Variants in TTC38 observed in about 807,000 individuals in gnomAD.
TTC38 encodes the protein tetratricopeptide repeat domain 38.
In TTC38, 64 loss-of-function variants were observed where a neutral mutation model predicts 64.2. The ratio of observed to expected loss-of-function variants is 1.00; its 90% CI spans 0.81 to 1.23. The LOEUF is 1.23. Among genes scored for constraint, TTC38 ranks in the 50% most tolerant of loss-of-function variants. The pLI is 0.00. For missense variants in TTC38, 573 were observed against 615.5 expected (o/e 0.93, Z 0.73); for synonymous variants, 254 against 249.3 (o/e 1.02, Z -0.18).
At position 46,273,206 on chromosome 22, in the gene TTC38, G is replaced by T. The variant is rs1438250934; in HGVS notation, c.194-692G>T. On this transcript the variant is annotated intron_variant, in intron 3 of 13. Transcript: ENST00000381031. This position sits in a 1 kb window ranked among gnomAD's most constrained non-coding sequence, Gnocchi z 5.1. ...TGAGCAGACCTTGAGCCCTGATCAG[G>T]GGGCTTCGACCACCTGAATCATCAG... Among the ~76,000 whole-genome samples the T allele has an allele frequency of 3.3e-5, 5 of 152,206 alleles. No homozygotes were observed. The highest frequency in any genetic ancestry group is 1.3e-4 in the Admixed American group (2 of 15,276).
At chr22:46,280,176 G>T (rs992778673) in intron 6 of TTC38, 4 of 471,112 alleles carry the variant, frequency 8.5e-6, no homozygotes, top group African/African-American at 8.0e-5. Context: ...TGTGTCTGCA[G>T]CCCCAGGCTG....
intron 11 of TTC38, 21 bp downstream of exon 11, chr22:46,288,609 G>C (rs201300757): frequency 2.5e-6 from 4 of 1,610,336 alleles, no homozygotes; most frequent in Middle Eastern, 1.7e-4. Context: ...GGGCCTTCTC[G>C]GGGTGGGGGT....
chr22:46,278,664 A>T lies in TTC38; in HGVS notation c.615+3A>T. On this transcript the variant is annotated splice_donor_region_variant and intron_variant, in intron 6 of 13. Coordinates refer to ENST00000381031, the MANE Select transcript of TTC38 (RefSeq NM_017931.4). ...AGGCAGAAAAACTCGCCAAAGAGGT[A>T]AGTGGGTCCTTCCTAAGGTGCCTGA... 6.2e-7 allele frequency: 1 copy of T among 1,613,814 alleles called. No individual in the cohort carries two copies. Among genetic ancestry groups the T allele is most frequent in the Non-Finnish European group, 8.5e-7 (1 of 1,179,730 alleles).
chr22:46,279,902 A>G (rs2077520978), intron 6 of TTC38, among the ~76,000 whole-genome samples: 1 of 152,148 alleles, frequency 6.6e-6, no homozygotes, highest in African/African-American at 2.4e-5. Context: ...CATTTGGAGA[A>G]GCTCTGGACA....
chr22:46,285,047 A>G (rs2077561734), intron 8 of TTC38, among the ~76,000 whole-genome samples, 194 bp from the exon 9 acceptor site: 1 of 152,074 alleles, frequency 6.6e-6, no homozygotes, highest in Admixed American at 6.5e-5. Context: ...CTGGGGAACC[A>G]AAGCCCCGGT....
In TTC38 at chr22:46,271,163, G is replaced by C. The variant is rs1462320830; in HGVS notation, c.112-1172G>C. Among the ~76,000 whole-genome samples, 1 of 152,200 alleles carries C rather than the reference G, an allele frequency of 6.6e-6. No homozygotes were observed. Among genetic ancestry groups the C allele is most frequent in the Non-Finnish European group, 1.5e-5 (1 of 68,046 alleles). On this transcript the variant is annotated intron_variant, in intron 2 of 13. Transcript: ENST00000381031. The surrounding 1 kb of genome is among the most constrained non-coding windows in gnomAD (Gnocchi z 5.5). ...TATTCCTATCGTGACCAACTTCAGG[G>C]CTCCTCTTAGGGCAGAAGAAGCCGA...
chr22:46,268,969 G>C, intron 2 of TTC38: 2 of 343,564 alleles, frequency 5.8e-6, no homozygotes, highest in South Asian at 4.4e-5. Context: ...TTACAGGCGT[G>C]AGCCACCGCG....
chr22:46,278,766 C>A, intron 6 of TTC38, 105 bp downstream of exon 6: 1 of 919,998 alleles, frequency 1.1e-6, no homozygotes, highest in Non-Finnish European at 1.8e-6. Context: ...CGAACCCCAT[C>A]CCTGGTCTCA....
chr22:46,270,317 C>T lies in TTC38; in HGVS notation c.111+1726C>T, dbSNP rs927337354. ...GGCAGGGGGATTGCTTGAGCCTGGG[C>T]GGTTGAGACTGAAGTGAGCTGTGAT... is the stretch of plus-strand genomic sequence containing the variant. On this transcript the variant is annotated intron_variant, in intron 2 of 13. Transcript: ENST00000381031. This position sits in a 1 kb window ranked among gnomAD's most constrained non-coding sequence, Gnocchi z 4.7. 5.3e-5 allele frequency among the ~76,000 whole-genome samples: 8 copies of T among 150,594 alleles called. No homozygotes were observed. Among genetic ancestry groups the T allele is most frequent in the Non-Finnish European group, 1.0e-4 (7 of 67,598 alleles).
intron 11 of TTC38, among the ~76,000 whole-genome samples, chr22:46,289,052 C>G (rs2077592542): frequency 6.6e-6 from 1 of 152,262 alleles, no homozygotes; most frequent in South Asian, 2.1e-4. Context: ...TGCCCATTCC[C>G]TTCCGGGGGT....
Position 46,292,129 on chromosome 22 carries a change from G to A in TTC38, c.1317-662G>A, listed in dbSNP as rs2077620599. The A allele has an allele frequency of 4.9e-6, 2 of 405,764 alleles. No individual in the cohort carries two copies. The highest frequency in any genetic ancestry group is 2.1e-5 in the African/African-American group (1 of 47,992). 25.1% of individuals were successfully genotyped at this position (405,764 alleles called of 1,614,324 possible). A position where few individuals can be genotyped will look rare whatever the true frequency, so the allele number is the denominator to read the frequency against. The stretch of plus-strand genomic sequence containing the variant: ...CCACTTTCTTGCTGTGTCCTCACAT[G>A]ACCTTTCCTTTGAGTGCTAATTCTT... On this transcript the variant is annotated intron_variant, in intron 13 of 13. Coordinates refer to ENST00000381031, the MANE Select transcript of TTC38 (RefSeq NM_017931.4). This position sits in a 1 kb window ranked among gnomAD's most constrained non-coding sequence, Gnocchi z 6.5.
rs1229431909 is a variant in TTC38 at position 46,289,441 on chromosome 22, C to T, written c.1122C>T (p.Asp374=). ...ACTGCCAGCACCTCCTGGCCCGAGACGTGGGGCTGCCCCTGTGCCAGGCCC... is the reference window on the plus strand; with the variant it reads ...ACTGCCAGCACCTCCTGGCCCGAGATGTGGGGCTGCCCCTGTGCCAGGCCC... ...GENCQHLLAR[D]VGLPLCQALV... is the part of the protein sequence containing the mutation. The change falls in exon 12 of 14, where the codon GAC becomes GAT. Residue 374 remains aspartate, a synonymous_variant. Coordinates refer to ENST00000381031, the MANE Select transcript of TTC38 (RefSeq NM_017931.4). 2.5e-6 allele frequency: 4 copies of T among 1,609,480 alleles called. No individual in the cohort carries two copies. The highest frequency in any genetic ancestry group is 1.3e-5 in the African/African-American group (1 of 74,924).
rs370457752 is a variant in TTC38 at position 46,282,051 on chromosome 22, C to T, written c.735+333C>T. 100 of 486,124 alleles carry T rather than the reference C, an allele frequency of 2.1e-4. No homozygotes were observed. The highest frequency in any genetic ancestry group is 1.4e-3 in the African/African-American group (71 of 50,490). The allele number at this position is 486,124 out of a possible 1,614,324, so 30.1% of individuals were successfully genotyped here. A position where few individuals can be genotyped will look rare whatever the true frequency, so the allele number is the denominator to read the frequency against. On this transcript the variant is annotated intron_variant, in intron 7 of 13. Coordinates refer to ENST00000381031, the MANE Select transcript of TTC38 (RefSeq NM_017931.4). The surrounding 1 kb of genome is among the most constrained non-coding windows in gnomAD (Gnocchi z 4.4). ...GGGGACCCTCTGTGGGATGTGGAAA[C>T]GCAGAGGAAGCATTAAACTCAACTG...
rs748571019 is a variant in TTC38 at position 46,278,669 on chromosome 22, G to T, written c.615+8G>T. 1.9e-6 allele frequency: 3 copies of T among 1,613,428 alleles called. No individual in the cohort carries two copies. Among genetic ancestry groups the T allele is most frequent in the Non-Finnish European group, 2.5e-6 (3 of 1,179,516 alleles). On this transcript the variant is annotated splice_region_variant and intron_variant, in intron 6 of 13. Coordinates refer to ENST00000381031, the MANE Select transcript of TTC38 (RefSeq NM_017931.4). ...GAAAAACTCGCCAAAGAGGTAAGTG[G>T]GTCCTTCCTAAGGTGCCTGACCCCT...
chr22:46,281,850 C>A lies in TTC38; in HGVS notation c.735+132C>A. The A allele has an allele frequency of 8.2e-7, 1 of 1,224,684 alleles. No homozygotes were observed. Among genetic ancestry groups the A allele is most frequent in the Non-Finnish European group, 1.2e-6 (1 of 852,186 alleles). The allele number at this position is 1,224,684 out of a possible 1,614,324, so 75.9% of individuals were successfully genotyped here. ...GGTTCCCTCTCCTCCTCCACCTGCA[C>A]CTGCCTCAGGTGTTTGGCTGCTGAG... On this transcript the variant is annotated intron_variant, in intron 7 of 13. Transcript: ENST00000381031. This position sits in a 1 kb window ranked among gnomAD's most constrained non-coding sequence, Gnocchi z 5.2.
rs1936891536 is a variant in TTC38, at chr22:46,271,314, G to A, written c.112-1021G>A. 6.6e-6 allele frequency among the ~76,000 whole-genome samples: 1 copy of A among 150,724 alleles called. No individual in the cohort carries two copies. The highest frequency in any genetic ancestry group is 2.0e-4 in the East Asian group (1 of 5,112). The stretch of plus-strand genomic sequence containing the variant: ...GGAGTGCAGTGGCGCCTGGGTTCAC[G>A]CCATTCTCCTGCCTCAGCCTCCCGA... On this transcript the variant is annotated intron_variant, in intron 2 of 13. Coordinates refer to ENST00000381031, the MANE Select transcript of TTC38 (RefSeq NM_017931.4). This position sits in a 1 kb window ranked among gnomAD's most constrained non-coding sequence, Gnocchi z 5.5.
chr22:46,278,799 CTCATG>C (rs1454526699), intron 6 of TTC38, 138 bp downstream of exon 6: 2 of 769,016 alleles, frequency 2.6e-6, no homozygotes, highest in Non-Finnish European at 4.5e-6. Flanking sequence ...GACTGGGGAG[CTCATG>C]TTAGTGTGAG....
At chr22:46,280,277 G>T (rs1402791363) in intron 6 of TTC38, 1 of 458,136 alleles carries the variant, frequency 2.2e-6, no homozygotes, top group South Asian at 1.6e-5. Context: ...CATCCAAGTG[G>T]CTCAATGGGT....
At position 46,274,695 on chromosome 22, in the gene TTC38, C is replaced by T. The variant is rs557832935; in HGVS notation, c.366-553C>T. On this transcript the variant is annotated intron_variant, in intron 4 of 13. Coordinates refer to ENST00000381031, the MANE Select transcript of TTC38 (RefSeq NM_017931.4). The surrounding 1 kb of genome is among the most constrained non-coding windows in gnomAD (Gnocchi z 4.8). ...TCAGAGACTTCCTGTGGCTGTCTCA[C>T]GGTCTCCACTGGGATTATCTTTGGC... 2.6e-5 allele frequency among the ~76,000 whole-genome samples: 4 copies of T among 151,472 alleles called. No individual in the cohort carries two copies. Among genetic ancestry groups the T allele is most frequent in the Non-Finnish European group, 2.9e-5 (2 of 67,966 alleles).
Sources: gnomAD v4.1 joint callset for allele counts (sites outside exome capture counted in the v4.1 genomes callset) on GRCh38, gnomAD v4.1.1 for gene constraint, Gnocchi (gnomAD v3.1) non-coding constraint, MANE v1.5 for transcripts, NCBI Gene and HGNC (gene_info 2026-07-23, HGNC 2026-07-21) for gene names.